The following GRIA2 variants were observed in gnomAD, a reference collection of about 807,000 sequenced individuals.
GRIA2 encodes glutamate ionotropic receptor AMPA type subunit 2.
GRIA2 carries 14 observed loss-of-function variants against 97.3 expected under a neutral mutation model. The observed-to-expected ratio is 0.14, with a 90% CI of 0.10 to 0.23. GRIA2 has a LOEUF of 0.23. Ranked by LOEUF, GRIA2 falls within the 10% of genes least tolerant of loss-of-function variation. GRIA2 has a pLI of 1.00. For missense variants in GRIA2, 558 were observed against 1,069.8 expected (o/e 0.52, Z 6.67); for synonymous variants, 412 against 387.8 (o/e 1.06, Z -0.73).
At chr4:157,248,015 G>A (rs1047408378) in intron 2 of GRIA2, among the ~76,000 whole-genome samples, 7 of 151,852 alleles carry the variant, frequency 4.6e-5, no homozygotes, top group African/African-American at 1.2e-4. Context: ...AGGTTGTAGA[G>A]TTCTCCCTTA....
At chr4:157,235,011 C>T (rs1454542210) in intron 2 of GRIA2, among the ~76,000 whole-genome samples, 1 of 151,916 alleles carries the variant, frequency 6.6e-6, no homozygotes, top group African/African-American at 2.4e-5. Context: ...CTTATGTTGC[C>T]TTATATTGCA....
chr4:157,279,812 A>C (rs1732512759), intron 2 of GRIA2, among the ~76,000 whole-genome samples: 1 of 152,080 alleles, frequency 6.6e-6, no homozygotes, highest in Non-Finnish European at 1.5e-5. Context: ...TTGTTGGAAT[A>C]ATCTCTTCTA....
At position 157,351,979 on chromosome 4, in the gene GRIA2, A is replaced by T. The variant is rs145493493; in HGVS notation, c.2044-7917A>T. Among the ~76,000 whole-genome samples, 620 of 152,350 alleles carry T rather than the reference A, an allele frequency of 4.1e-3. 12 individuals are homozygous for T. The Middle Eastern group carries it at 0.048, about 12-fold the overall frequency. ...CAGTATGAAAACGAACTTATATGAC[A>T]TGACTCTAGTTTTATCACATTTGAG... On this transcript the variant is annotated intron_variant, in intron 12 of 15. Transcript: ENST00000264426.
chr4:157,322,779 A>C (rs956433553), intron 6 of GRIA2, among the ~76,000 whole-genome samples: 8 of 152,200 alleles, frequency 5.3e-5, no homozygotes, highest in African/African-American at 1.9e-4. Context: ...ACCAGGCAGG[A>C]CAGTGTTATT....
At chr4:157,288,601 A>C (rs1732953233) in intron 2 of GRIA2, among the ~76,000 whole-genome samples, 1 of 151,808 alleles carries the variant, frequency 6.6e-6, no homozygotes, top group Admixed American at 6.6e-5. Flanking sequence ...TGAGTATCAA[A>C]ATTATCTTGT....
chr4:157,336,553 T>G lies in GRIA2; in HGVS notation c.1650T>G (p.Ile550Met). The change falls in exon 11 of 16, where the codon ATT becomes ATG. Residue 550 changes from isoleucine (I) to methionine (M), a missense_variant. Ile to Met is a conservative substitution (Grantham distance 10). Coordinates refer to ENST00000264426, the MANE Select transcript of GRIA2 (RefSeq NM_001083619.3). The part of the protein sequence containing the change: ...DPLAYEIWMC[I>M]VFAYIGVSVV... ...TAGCCTATGAGATCTGGATGTGCATTGTTTTTGCCTACATTGGGGTCAGTG... is the reference window on the plus strand; with the variant it reads ...TAGCCTATGAGATCTGGATGTGCATGGTTTTTGCCTACATTGGGGTCAGTG... 1 of 1,613,396 alleles carries G rather than the reference T, an allele frequency of 6.2e-7. No homozygotes were observed. The highest frequency in any genetic ancestry group is 8.5e-7 in the Non-Finnish European group (1 of 1,179,540).
At chr4:157,225,060 T>G (rs1729681809) in intron 2 of GRIA2, among the ~76,000 whole-genome samples, 1 of 152,112 alleles carries the variant, frequency 6.6e-6, no homozygotes, top group Admixed American at 6.5e-5. Context: ...ATTTTATTCC[T>G]GAGATGGAGG....
intron 12 of GRIA2, among the ~76,000 whole-genome samples, chr4:157,344,332 C>T (rs1316335109): frequency 3.9e-5 from 6 of 152,018 alleles, no homozygotes; most frequent in Non-Finnish European, 4.4e-5. Flanking sequence ...TTGGGTTCAT[C>T]CTCTCTCAAC....
At chr4:157,311,549 C>T (rs984477274) in intron 3 of GRIA2, among the ~76,000 whole-genome samples, 7 of 151,886 alleles carry the variant, frequency 4.6e-5, no homozygotes, top group Admixed American at 2.0e-4. Flanking sequence ...TGATAATTGA[C>T]TCTTTTTCAT....
At chr4:157,236,972 T>G (rs964355527) in intron 2 of GRIA2, among the ~76,000 whole-genome samples, 2 of 152,174 alleles carry the variant, frequency 1.3e-5, no homozygotes, top group Non-Finnish European at 2.9e-5. Flanking sequence ...ACAATTTCAG[T>G]TCATGATTTT....
intron 2 of GRIA2, among the ~76,000 whole-genome samples, chr4:157,264,754 A>G (rs1731693301): frequency 6.6e-6 from 1 of 152,118 alleles, no homozygotes; most frequent in South Asian, 2.1e-4. Context: ...CTCTGCAGCT[A>G]GCTAGCAAGG....
intron 2 of GRIA2, among the ~76,000 whole-genome samples, chr4:157,294,566 G>C (rs1733256546): frequency 6.6e-6 from 1 of 152,104 alleles, no homozygotes; most frequent in Admixed American, 6.6e-5. Flanking sequence ...TAATAAAACA[G>C]AGAATGATAT....
At chr4:157,238,684 C>A (rs1212567065) in intron 2 of GRIA2, among the ~76,000 whole-genome samples, 1 of 151,960 alleles carries the variant, frequency 6.6e-6, no homozygotes, top group Non-Finnish European at 1.5e-5. Context: ...ATTTCTTTTG[C>A]ATATGTATTT....
intron 2 of GRIA2, among the ~76,000 whole-genome samples, chr4:157,248,450 C>T (rs1406275038): frequency 1.4e-5 from 2 of 141,876 alleles, no homozygotes; most frequent in Non-Finnish European, 3.1e-5. Context: ...GCTTGTAATC[C>T]CAACTACTCG....
intron 2 of GRIA2, among the ~76,000 whole-genome samples, chr4:157,232,017 T>G (rs899539557): frequency 2.0e-5 from 3 of 152,210 alleles, no homozygotes; most frequent in African/African-American, 7.2e-5. Context: ...AAGGACAATT[T>G]AAGACTAAAA....
chr4:157,340,143 TG>T (rs552616321), intron 11 of GRIA2, among the ~76,000 whole-genome samples: 152 of 151,980 alleles, frequency 1.0e-3, no homozygotes, highest in African/African-American at 3.5e-3. Flanking sequence ...ATCTAGAATA[TG>T]TTTCATCAAA....
intron 15 of GRIA2, 43 bp from the exon 16 acceptor site, chr4:157,363,392 C>T (rs1736725977): frequency 1.7e-6 from 2 of 1,179,462 alleles, no homozygotes; most frequent in Non-Finnish European, 1.1e-6. Flanking sequence ...AAAACCATAA[C>T]GTATGATTTC....
chr4:157,303,896 A>T lies in GRIA2; in HGVS notation c.469+105A>T, dbSNP rs1733726713. On this transcript the variant is annotated intron_variant, in intron 3 of 15. Transcript: ENST00000264426. ...TACAAAGGTGTGATAAAGCCCAAGGATCCCTTGGTTTAATTTTGCTGTGAT... is the reference window on the plus strand; with the variant it reads ...TACAAAGGTGTGATAAAGCCCAAGGTTCCCTTGGTTTAATTTTGCTGTGAT... 5 of 1,180,210 alleles carry T rather than the reference A, an allele frequency of 4.2e-6. 1 individual carries two copies. In the South Asian group the frequency reaches 7.0e-5, roughly 16 times the overall value. 73.1% of individuals were successfully genotyped at this position (1,180,210 alleles called of 1,614,324 possible).
rs1560784388 is a variant in GRIA2, at chr4:157,361,765, A to T, written c.2406+641A>T. ...TCTTAAATAGAATGTAAATGCAAAT[A>T]TGCATGAGATGCATAATTTGGTAAG... On this transcript the variant is annotated intron_variant, in intron 14 of 15. Transcript: ENST00000264426. This position sits in a 1 kb window ranked among gnomAD's most constrained non-coding sequence, Gnocchi z 5.2. The T allele has an allele frequency of 1.5e-6, 1 of 663,788 alleles. No individual in the cohort carries two copies. The highest frequency in any genetic ancestry group is 2.7e-6 in the Non-Finnish European group (1 of 373,874). The allele number at this position is 663,788 out of a possible 1,614,324, so 41.1% of individuals were successfully genotyped here. A position where few individuals can be genotyped will look rare whatever the true frequency, so the allele number is the denominator to read the frequency against.
Sources: allele counts gnomAD v4.1 joint callset (sites outside exome capture counted in the v4.1 genomes callset), GRCh38; gene constraint gnomAD v4.1.1; non-coding constraint Gnocchi (gnomAD v3.1); transcripts MANE v1.5; gene names NCBI Gene and HGNC (gene_info 2026-07-23, HGNC 2026-07-21).